PRKN: variants seen among roughly 807,000 people sequenced by gnomAD.
The protein encoded by PRKN is parkin RBR E3 ubiquitin protein ligase.
In PRKN, 56 loss-of-function variants were observed where a neutral mutation model predicts 59.5. The ratio of observed to expected loss-of-function variants is 0.94; its 90% CI spans 0.76 to 1.18. PRKN has a LOEUF of 1.18. PRKN is among the 50% of genes most tolerant of loss of function. The probability of loss-of-function intolerance (pLI) is 0.00; values close to 1 mark genes in which losing one functional copy is unlikely to be tolerated. For missense variants in PRKN, 657 were observed against 596.4 expected (o/e 1.10, Z -1.06); for synonymous variants, 250 against 222.1 (o/e 1.13, Z -1.12).
intron 7 of PRKN, among the ~76,000 whole-genome samples, chr6:161,770,267 GCAGAA>G (rs1789608684): frequency 6.6e-6 from 1 of 152,238 alleles, no homozygotes; most frequent in East Asian, 1.9e-4. Flanking sequence ...ACCGCAGGGA[GCAGAA>G]CTTACATACA....
At chr6:161,750,836 T>C (rs1485395059) in intron 7 of PRKN, among the ~76,000 whole-genome samples, 2 of 151,862 alleles carry the variant, frequency 1.3e-5, no homozygotes, top group Non-Finnish European at 2.9e-5. Context: ...TCAATAAGTC[T>C]GGTATGACCA....
At chr6:162,404,741 G>A (rs1468544251) in intron 2 of PRKN, among the ~76,000 whole-genome samples, 3 of 152,072 alleles carry the variant, frequency 2.0e-5, no homozygotes, top group Non-Finnish European at 4.4e-5. Flanking sequence ...GAGTAGAGAC[G>A]GGGTTTTGCC....
At chr6:161,788,479 C>T (rs560236378) in intron 6 of PRKN, among the ~76,000 whole-genome samples, 12 of 152,260 alleles carry the variant, frequency 7.9e-5, no homozygotes, top group African/African-American at 2.9e-4. Flanking sequence ...TTTTGGTTCC[C>T]ACAGAGTGAA....
chr6:161,773,328 G>C (rs1789774574), intron 7 of PRKN, among the ~76,000 whole-genome samples: 1 of 152,300 alleles, frequency 6.6e-6, no homozygotes, highest in Admixed American at 6.5e-5. Context: ...AATCCTCCCA[G>C]CCTCAGGAGG....
At chr6:162,284,356 C>T (rs1377617506) in intron 2 of PRKN, among the ~76,000 whole-genome samples, 2 of 151,162 alleles carry the variant, frequency 1.3e-5, no homozygotes, top group African/African-American at 2.4e-5. Context: ...TCCCAAGTAG[C>T]TGGGATTACA....
intron 1 of PRKN, among the ~76,000 whole-genome samples, chr6:162,457,445 A>C (rs1562779357): frequency 6.6e-6 from 1 of 152,208 alleles, no homozygotes; most frequent in Non-Finnish European, 1.5e-5. Context: ...CCATACTGCA[A>C]CTACTTAAAC....
chr6:162,044,631 G>A (rs1251750822), intron 5 of PRKN, among the ~76,000 whole-genome samples: 1 of 152,220 alleles, frequency 6.6e-6, no homozygotes, highest in Admixed American at 6.5e-5. Context: ...CACTGGAGCT[G>A]AGTGGGCAGT....
At chr6:161,792,411 G>C (rs978834335) in intron 6 of PRKN, among the ~76,000 whole-genome samples, 1 of 152,172 alleles carries the variant, frequency 6.6e-6, no homozygotes, top group Non-Finnish European at 1.5e-5. Context: ...GAAAAGAATG[G>C]AGCTGTGAAA....
chr6:162,152,159 C>T (rs1782300139), intron 4 of PRKN, among the ~76,000 whole-genome samples: 2 of 152,134 alleles, frequency 1.3e-5, no homozygotes, highest in Admixed American at 1.3e-4. Context: ...CTGATGCATG[C>T]CAATGAAATA....
Position 162,063,463 on chromosome 6 carries a change from C to T in PRKN, c.535-9289G>A, listed in dbSNP as rs568731697. Among the ~76,000 whole-genome samples, 26 of 152,180 alleles carry T rather than the reference C, an allele frequency of 1.7e-4. No homozygotes were observed. The East Asian group carries it at 4.8e-3, about 28-fold the overall frequency. On this transcript the variant is annotated intron_variant, in intron 4 of 11. Transcript: ENST00000366898. ...TAGCCACTATGATAATACTAAATGT[C>T]GGTGAGGATAAAGATTAACAAACGC...
At chr6:162,487,386 T>A (rs961545672) in intron 1 of PRKN, among the ~76,000 whole-genome samples, 2 of 152,208 alleles carry the variant, frequency 1.3e-5, no homozygotes, top group African/African-American at 4.8e-5. Flanking sequence ...ACTGGTTTTC[T>A]GAGGCTGTGT....
intron 1 of PRKN, among the ~76,000 whole-genome samples, chr6:162,630,927 T>A (rs1783087755): frequency 6.6e-6 from 1 of 152,024 alleles, no homozygotes; most frequent in Non-Finnish European, 1.5e-5. Flanking sequence ...AAGTAAAAAA[T>A]TTTATAGAAC....
At chr6:162,176,063 A>G (rs569516823) in intron 4 of PRKN, among the ~76,000 whole-genome samples, 2 of 152,292 alleles carry the variant, frequency 1.3e-5, no homozygotes, top group East Asian at 3.9e-4. Flanking sequence ...CATCTTTGCC[A>G]CCCTTCGCTC....
rs533190085 is a variant in PRKN, at chr6:162,028,112, A to G, written c.618+25979T>C. 2.0e-3 allele frequency among the ~76,000 whole-genome samples: 301 copies of G among 152,308 alleles called. 2 individuals carry two copies. Among genetic ancestry groups the G allele is most frequent in the African/African-American group, 7.1e-3 (297 of 41,560 alleles). ...ATTAGGCTTTCCAGGAGAATTCTGT[A>G]CAGCTTCAACTGTGCTCTTTTAGAA... On this transcript the variant is annotated intron_variant, in intron 5 of 11. Coordinates refer to ENST00000366898, the MANE Select transcript of PRKN (RefSeq NM_004562.3).
Position 162,572,354 on chromosome 6 carries a change from C to T in PRKN, c.8-128881G>A, listed in dbSNP as rs975814967. On this transcript the variant is annotated intron_variant, in intron 1 of 11. Transcript: ENST00000366898. The stretch of plus-strand genomic sequence containing the variant: ...ACTCGTGAAAAAGAATTTATGGCTA[C>T]AGAAAACATATCCAAGACTTACACA... Among the ~76,000 whole-genome samples, 23 of 152,180 alleles carry T rather than the reference C, an allele frequency of 1.5e-4. 1 individual carries two copies. The highest frequency in any genetic ancestry group is 1.2e-3 in the Admixed American group (18 of 15,272).
chr6:161,756,805 A>C (rs1365232919), intron 7 of PRKN, among the ~76,000 whole-genome samples: 2 of 152,180 alleles, frequency 1.3e-5, no homozygotes, highest in Non-Finnish European at 2.9e-5. Context: ...AAGGAAGAAC[A>C]AAGTTAAAGG....
intron 2 of PRKN, among the ~76,000 whole-genome samples, chr6:162,278,524 A>AT (rs1226698015): frequency 1.3e-5 from 2 of 152,122 alleles, no homozygotes; most frequent in Non-Finnish European, 2.9e-5. Context: ...TGGAGAGGGT[A>AT]TGGGCACATT....
chr6:161,710,007 G>A (rs1292690573), intron 7 of PRKN, among the ~76,000 whole-genome samples: 1 of 151,862 alleles, frequency 6.6e-6, no homozygotes, highest in African/African-American at 2.4e-5. Flanking sequence ...GAGCTTTCTG[G>A]GTGAACTTCT....
At chr6:162,140,732 T>A (rs988852416) in intron 4 of PRKN, among the ~76,000 whole-genome samples, 23 of 93,754 alleles carry the variant, frequency 2.5e-4, no homozygotes, top group African/African-American at 1.0e-3. Flanking sequence ...TTAATGCAGG[T>A]GGATTGGGTC....
Sources: allele counts gnomAD v4.1 joint callset (sites outside exome capture counted in the v4.1 genomes callset), GRCh38; gene constraint gnomAD v4.1.1; transcripts MANE v1.5; gene names NCBI Gene and HGNC (gene_info 2026-07-23, HGNC 2026-07-21).